HCN1: variants seen among roughly 807,000 people sequenced by gnomAD.
HCN1 encodes potassium/sodium hyperpolarization-activated cyclic nucleotide-gated channel 1.
HCN1 carries 13 observed loss-of-function variants against 78.9 expected under a neutral mutation model. The observed-to-expected ratio is 0.16, with a 90% CI of 0.11 to 0.26. HCN1 has a LOEUF of 0.26. Ranked by LOEUF, HCN1 falls within the 10% of genes least tolerant of loss-of-function variation. The pLI is 1.00. For missense variants in HCN1, 810 were observed against 1,154.3 expected (o/e 0.70, Z 4.32); for synonymous variants, 552 against 455.5 (o/e 1.21, Z -2.70).
At chr5:45,472,542 G>T in intron 2 of HCN1, among the ~76,000 whole-genome samples, 1 of 147,232 alleles carries the variant, frequency 6.8e-6, no homozygotes, top group Non-Finnish European at 1.5e-5. Flanking sequence ...AAGGGAGGGA[G>T]GGAGGGATGG....
chr5:45,614,944 G>A (rs1402270486), intron 2 of HCN1, among the ~76,000 whole-genome samples: 19 of 150,438 alleles, frequency 1.3e-4, no homozygotes, highest in African/African-American at 4.2e-4. Flanking sequence ...CACAGGTGGA[G>A]AGTGGAATAT....
intron 1 of HCN1, among the ~76,000 whole-genome samples, chr5:45,685,584 T>C (rs1220487126): frequency 1.3e-5 from 2 of 152,076 alleles, no homozygotes; most frequent in Non-Finnish European, 2.9e-5. Flanking sequence ...TGGTGGCACA[T>C]GCCTGTAATC....
intron 2 of HCN1, among the ~76,000 whole-genome samples, chr5:45,499,050 G>T (rs1742126222): frequency 6.6e-6 from 1 of 152,126 alleles, no homozygotes. Flanking sequence ...TCTGTGCCCT[G>T]CCCCCAGAGG....
intron 2 of HCN1, among the ~76,000 whole-genome samples, chr5:45,531,463 C>A (rs1402297341): frequency 6.6e-6 from 1 of 152,146 alleles, no homozygotes. Flanking sequence ...GTCCATAAAT[C>A]TGATCCTGGT....
intron 6 of HCN1, among the ~76,000 whole-genome samples, chr5:45,275,822 A>G (rs1745046630): frequency 6.6e-6 from 1 of 152,150 alleles, no homozygotes; most frequent in African/African-American, 2.4e-5. Context: ...TAAGAAGGGT[A>G]AAACCACAAT....
At chr5:45,676,226 GA>G (rs1464544667) in intron 1 of HCN1, among the ~76,000 whole-genome samples, 1 of 151,550 alleles carries the variant, frequency 6.6e-6, no homozygotes, top group African/African-American at 2.4e-5. Context: ...TTTTCATCAT[GA>G]ATATTGCCTA....
At chr5:45,500,877 C>T (rs895733902) in intron 2 of HCN1, among the ~76,000 whole-genome samples, 1 of 152,124 alleles carries the variant, frequency 6.6e-6, no homozygotes, top group African/African-American at 2.4e-5. Flanking sequence ...GGAAGTTTCT[C>T]CCCAATTTAC....
In HCN1 at chr5:45,257,048, C is replaced by T. The variant is rs1744629331; in HGVS notation, c.*4873G>A. 6.6e-6 allele frequency: 1 copy of T among 152,078 alleles called. No individual in the cohort carries two copies. The highest frequency in any genetic ancestry group is 2.4e-5 in the African/African-American group (1 of 41,444). 9.4% of individuals were successfully genotyped at this position (152,078 alleles called of 1,614,324 possible). A position where few individuals can be genotyped will look rare whatever the true frequency, so the allele number is the denominator to read the frequency against. On this transcript the variant is annotated 3_prime_UTR_variant, in exon 8 of 8. Transcript: ENST00000303230. ...TCTATTTAGCAAACCTAGGACCTTC[C>T]TTAGGACCCAGCATCCTCACAAGGC...
chr5:45,379,838 G>T (rs752020558), intron 4 of HCN1, among the ~76,000 whole-genome samples: 4 of 151,986 alleles, frequency 2.6e-5, no homozygotes, highest in Non-Finnish European at 4.4e-5. Context: ...TAGGAATGAT[G>T]GGGAGTGACT....
intron 2 of HCN1, among the ~76,000 whole-genome samples, chr5:45,583,383 A>G (rs1476223826): frequency 6.6e-6 from 1 of 151,922 alleles, no homozygotes; most frequent in Non-Finnish European, 1.5e-5. Flanking sequence ...CCCCTTTATC[A>G]TTTTTTATTG....
At chr5:45,318,929 C>T (rs999810278) in intron 5 of HCN1, among the ~76,000 whole-genome samples, 2 of 151,982 alleles carry the variant, frequency 1.3e-5, no homozygotes, top group Non-Finnish European at 2.9e-5. Flanking sequence ...TTGAAAGTCA[C>T]ATAAATGAGG....
At chr5:45,549,345 C>T (rs1743307712) in intron 2 of HCN1, among the ~76,000 whole-genome samples, 1 of 151,620 alleles carries the variant, frequency 6.6e-6, no homozygotes, top group Non-Finnish European at 1.5e-5. Flanking sequence ...TAATGCCACA[C>T]ATCTACAAAC....
chr5:45,570,095 A>G (rs1342210828), intron 2 of HCN1, among the ~76,000 whole-genome samples: 1 of 152,110 alleles, frequency 6.6e-6, no homozygotes, highest in Non-Finnish European at 1.5e-5. Context: ...TCCTATTGCT[A>G]TTTTTAATTA....
At chr5:45,511,105 A>C (rs1742406738) in intron 2 of HCN1, among the ~76,000 whole-genome samples, 1 of 152,122 alleles carries the variant, frequency 6.6e-6, no homozygotes, top group African/African-American at 2.4e-5. Context: ...CCCAGTACCT[A>C]GATGATGGTT....
chr5:45,265,311 A>G (rs897903539), intron 7 of HCN1, among the ~76,000 whole-genome samples: 1 of 152,216 alleles, frequency 6.6e-6, no homozygotes, highest in African/African-American at 2.4e-5. Context: ...TAGCTGGTTT[A>G]GGAAGAAACT....
chr5:45,334,581 CCTTT>C (rs1746415714), intron 5 of HCN1, among the ~76,000 whole-genome samples: 1 of 151,726 alleles, frequency 6.6e-6, no homozygotes, highest in African/African-American at 2.4e-5. Context: ...GTAAGTACTT[CCTTT>C]GAGACTGAAA....
chr5:45,641,092 G>A (rs569155709), intron 2 of HCN1, among the ~76,000 whole-genome samples: 1 of 152,136 alleles, frequency 6.6e-6, no homozygotes, highest in Admixed American at 6.6e-5. Flanking sequence ...GCCTCTCTAA[G>A]TTCTAATACA....
chr5:45,290,869 CTA>C (rs1404630016), intron 6 of HCN1, among the ~76,000 whole-genome samples: 1 of 151,696 alleles, frequency 6.6e-6, no homozygotes, highest in East Asian at 1.9e-4. Flanking sequence ...AAGGAAAAGA[CTA>C]TAAATAATAT....
intron 2 of HCN1, among the ~76,000 whole-genome samples, chr5:45,628,838 T>G (rs1395509578): frequency 6.6e-6 from 1 of 151,746 alleles, no homozygotes; most frequent in Non-Finnish European, 1.5e-5. Flanking sequence ...TCGGGCATGC[T>G]GGTGGGTGCC....
Sources: gnomAD v4.1 joint callset for allele counts (sites outside exome capture counted in the v4.1 genomes callset) on GRCh38, gnomAD v4.1.1 for gene constraint, MANE v1.5 for transcripts, NCBI Gene and HGNC (gene_info 2026-07-23, HGNC 2026-07-21) for gene names.